Variants in HIVEP1 observed in about 807,000 individuals in gnomAD.
The protein encoded by HIVEP1 is HIVEP zinc finger 1.
Under a neutral mutation model 180.0 loss-of-function variants are expected in HIVEP1, and 36 were observed. The ratio of observed to expected loss-of-function variants is 0.20; its 90% CI spans 0.15 to 0.26. The LOEUF is 0.26. Ranked by LOEUF, HIVEP1 falls within the 10% of genes least tolerant of loss-of-function variation. The probability of loss-of-function intolerance (pLI) is 1.00; values close to 1 mark genes in which losing one functional copy is unlikely to be tolerated. For synonymous variants in HIVEP1, 1,239 were observed against 1,239.0 expected, an observed-to-expected ratio of 1.00 and a Z score of 0.00; for missense variants, 3,143 against 3,268.7, an observed-to-expected ratio of 0.96 and a Z score of 0.94.
rs537363856 is a variant in HIVEP1 at position 12,084,605 on chromosome 6, A to G, written c.41-4579A>G. 4.6e-5 allele frequency among the ~76,000 whole-genome samples: 7 copies of G among 152,278 alleles called. No homozygotes were observed. The East Asian group carries it at 1.4e-3, about 29-fold the overall frequency. ...GTAAGAGTAAGGTGCTTGCACTGGCATATAATGAGAGGAAGTAGGAATTAT... is the reference window on the plus strand; with the variant it reads ...GTAAGAGTAAGGTGCTTGCACTGGCGTATAATGAGAGGAAGTAGGAATTAT... On this transcript the variant is annotated intron_variant, in intron 2 of 8. Coordinates refer to ENST00000379388, the MANE Select transcript of HIVEP1 (RefSeq NM_002114.4).
chr6:12,189,517 A>G, the HIVEP1 span, among the ~76,000 whole-genome samples: 3 of 152,184 alleles, frequency 2.0e-5, no homozygotes, highest in Admixed American at 6.5e-5. Context: ...TGAATTTGGC[A>G]TCTTTGAAAA....
Position 12,120,299 on chromosome 6 carries a change from G to C in HIVEP1, c.504G>C (p.Leu168Phe), listed in dbSNP as rs748976857. 1 of 1,614,140 alleles carries C rather than the reference G, an allele frequency of 6.2e-7. No homozygotes were observed. Among genetic ancestry groups the C allele is most frequent in the South Asian group, 1.1e-5 (1 of 91,074 alleles). ...ATGAACAATGTGACTCAAGTTCCTT[G>C]TCAAGTAAAACCAGGACTGACAATA... Reference protein sequence around the residue: ...DLDEQCDSSSLSSKTRTDNSE... With the variant: ...DLDEQCDSSSFSSKTRTDNSE... The change falls in exon 4 of 9, where the codon TTG (leucine) becomes TTC (phenylalanine). Residue 168 changes from leucine to phenylalanine, a missense_variant. Coordinates refer to ENST00000379388, the MANE Select transcript of HIVEP1 (RefSeq NM_002114.4).
intron 2 of HIVEP1, among the ~76,000 whole-genome samples, chr6:12,031,729 C>T (rs771278401): frequency 2.6e-5 from 4 of 152,202 alleles, no homozygotes; most frequent in South Asian, 2.1e-4. Flanking sequence ...TGCCCCTCCA[C>T]GTGTATACGG....
At position 12,124,074 on chromosome 6, in the gene HIVEP1, G is replaced by A; in HGVS notation, c.4279G>A (p.Gly1427Ser). Residue 1427 changes from glycine to serine, a missense_variant, in exon 4 of 9, where the codon GGC becomes AGC. Physicochemically the swap from Gly to Ser is moderately conservative, Grantham distance 56 (BLOSUM62 0). Coordinates refer to ENST00000379388, the MANE Select transcript of HIVEP1 (RefSeq NM_002114.4). Reference protein sequence around the residue: ...GHVPLLERRRGPLVRQISLNI... With the variant: ...GHVPLLERRRSPLVRQISLNI... Reference sequence around the variant, plus strand: ...TGTGCCTCTCTTAGAAAGAAGGAGAGGCCCACTGGTACGGCAAATATCTTT... The same window carrying A: ...TGTGCCTCTCTTAGAAAGAAGGAGAAGCCCACTGGTACGGCAAATATCTTT... The A allele has an allele frequency of 6.2e-7, 1 of 1,614,086 alleles. No homozygotes were observed. The highest frequency in any genetic ancestry group is 1.3e-5 in the African/African-American group (1 of 75,008).
intron 3 of HIVEP1, among the ~76,000 whole-genome samples, chr6:12,118,641 A>G (rs1775368886): frequency 6.6e-6 from 1 of 152,214 alleles, no homozygotes. Flanking sequence ...TGCTAATGAC[A>G]AAGAAACATA....
chr6:12,103,575 T>TTTA (rs1231009151), intron 3 of HIVEP1, among the ~76,000 whole-genome samples: 1 of 152,058 alleles, frequency 6.6e-6, no homozygotes, highest in African/African-American at 2.4e-5. Flanking sequence ...TTTTTTTTTT[T>TTTA]ATCTATCTGG....
At chr6:12,011,069 TG>T (rs1258119184), upstream of HIVEP1, among the ~76,000 whole-genome samples, 1 of 152,220 alleles carries the variant, frequency 6.6e-6, no homozygotes, top group Non-Finnish European at 1.5e-5. Context: ...GGAATAACCT[TG>T]GCTTTCCTCG....
chr6:12,121,804 G>T lies in HIVEP1; in HGVS notation c.2009G>T (p.Ser670Ile), dbSNP rs1188815691. 1 of 1,614,178 alleles carries T rather than the reference G, an allele frequency of 6.2e-7. No individual in the cohort carries two copies. The highest frequency in any genetic ancestry group is 8.5e-7 in the Non-Finnish European group (1 of 1,180,032). Residue 670 changes from serine (S) to isoleucine (I), a missense_variant, in exon 4 of 9, where the codon AGT becomes ATT. This residue lies in a region of HIVEP1 where 365 missense variants were observed against 344.4 expected (regional missense o/e 1.06). Transcript: ENST00000379388. This position sits in a 1 kb window ranked among gnomAD's most constrained non-coding sequence, Gnocchi z 5.3. Reference sequence around the variant, plus strand: ...CTCCTGAGTCCTCGAAGTTTAGGAAGTACGGATTCTGGTTACTTTTCACGT... The same window carrying T: ...CTCCTGAGTCCTCGAAGTTTAGGAATTACGGATTCTGGTTACTTTTCACGT... ...GKLLSPRSLGSTDSGYFSRSE... is the reference protein window; with the variant it reads ...GKLLSPRSLGITDSGYFSRSE...
At chr6:12,015,193 T>C (rs763843909) in intron 1 of HIVEP1, among the ~76,000 whole-genome samples, 1 of 152,234 alleles carries the variant, frequency 6.6e-6, no homozygotes, top group Non-Finnish European at 1.5e-5. Flanking sequence ...CCCCTATGAA[T>C]GGGCAGATTT....
chr6:12,090,456 G>T (rs75430495), intron 3 of HIVEP1, among the ~76,000 whole-genome samples: 2,127 of 152,144 alleles, frequency 0.014, 23 homozygotes, highest in Middle Eastern at 0.065. Flanking sequence ...AAGCCTTCAG[G>T]ATGGTTTGGG....
chr6:12,114,314 C>G (rs572896378), intron 3 of HIVEP1, among the ~76,000 whole-genome samples: 1 of 152,328 alleles, frequency 6.6e-6, no homozygotes, highest in African/African-American at 2.4e-5. Context: ...TAATTTTCAT[C>G]TGTGTATCTG....
intron 2 of HIVEP1, among the ~76,000 whole-genome samples, chr6:12,021,031 T>C (rs1424357825): frequency 5.9e-5 from 9 of 151,740 alleles, no homozygotes; most frequent in African/African-American, 9.7e-5. Context: ...GCTGGGACTA[T>C]AGGCGCCTGC....
At chr6:12,143,485 A>T (rs960567283) in intron 7 of HIVEP1, among the ~76,000 whole-genome samples, 2 of 148,750 alleles carry the variant, frequency 1.3e-5, no homozygotes, top group Non-Finnish European at 1.5e-5. Flanking sequence ...CAAGACAAGG[A>T]TGCCCTCTCT....
chr6:12,019,582 A>G (rs1287816527), intron 2 of HIVEP1, among the ~76,000 whole-genome samples: 1 of 152,220 alleles, frequency 6.6e-6, no homozygotes, highest in African/African-American at 2.4e-5. Context: ...CCGTCAGCTC[A>G]GGAGCTTTCA....
intron 2 of HIVEP1, among the ~76,000 whole-genome samples, chr6:12,016,182 G>A (rs891346500): frequency 6.6e-6 from 1 of 152,206 alleles, no homozygotes; most frequent in Admixed American, 6.5e-5. Context: ...CCACGAAGAA[G>A]CAGTGGGTCA....
At chr6:12,098,930 C>T (rs1331671643) in intron 3 of HIVEP1, among the ~76,000 whole-genome samples, 2 of 152,162 alleles carry the variant, frequency 1.3e-5, no homozygotes, top group African/African-American at 4.8e-5. Context: ...GAATTTTTCC[C>T]TGACCACCAA....
downstream of HIVEP1, among the ~76,000 whole-genome samples, chr6:12,169,102 A>G (rs528126806): frequency 2.6e-5 from 4 of 152,076 alleles, no homozygotes; most frequent in East Asian, 1.9e-4. Context: ...GGCCAGGCCA[A>G]TCTTGAACTC....
At chr6:12,159,900 A>G (rs990399016) in intron 7 of HIVEP1, among the ~76,000 whole-genome samples, 1 of 152,160 alleles carries the variant, frequency 6.6e-6, no homozygotes, top group Non-Finnish European at 1.5e-5. Flanking sequence ...AGAAATAATC[A>G]CCCTCCAATC....
At position 12,089,210 on chromosome 6, in the gene HIVEP1, C is replaced by A; in HGVS notation, c.67C>A (p.Leu23Ile). ...CAAAATTGAAGAAGCACAAAAAGAACTTAATGGGGCAGAAGTTTCAAAAAA... is the reference window on the plus strand; with the variant it reads ...CAAAATTGAAGAAGCACAAAAAGAAATTAATGGGGCAGAAGTTTCAAAAAA... ...RDKIEEAQKE[L>I]NGAEVSKKEI... Residue 23 changes from leucine to isoleucine, a missense_variant, in exon 3 of 9, where the codon CTT (leucine) becomes ATT (isoleucine). Leu to Ile is a conservative substitution (Grantham distance 5, BLOSUM62 2). This residue lies in a region of HIVEP1 where 114 missense variants were observed against 134.5 expected (regional missense o/e 0.85). Coordinates refer to ENST00000379388, the MANE Select transcript of HIVEP1 (RefSeq NM_002114.4). The A allele has an allele frequency of 6.4e-7, 1 of 1,563,468 alleles. No homozygotes were observed. Among genetic ancestry groups the A allele is most frequent in the South Asian group, 1.1e-5 (1 of 87,088 alleles).
Sources: allele counts gnomAD v4.1 joint callset (sites outside exome capture counted in the v4.1 genomes callset), GRCh38; gene constraint gnomAD v4.1.1; regional missense constraint gnomAD v4.1.1; non-coding constraint Gnocchi (gnomAD v3.1); transcripts MANE v1.5; gene names NCBI Gene and HGNC (gene_info 2026-07-23, HGNC 2026-07-21).